The following JADE2 variants were observed in gnomAD, a reference collection of about 807,000 sequenced individuals.
JADE2 encodes the protein jade family PHD finger 2.
A neutral mutation model predicts 85.7 loss-of-function variants in JADE2; 13 were observed. The observed-to-expected ratio is 0.15, with a 90% CI of 0.10 to 0.24. JADE2 has a LOEUF of 0.24. Ranked by LOEUF, JADE2 falls within the 10% of genes least tolerant of loss-of-function variation. JADE2 has a pLI of 1.00. For missense variants in JADE2, 846 were observed against 1,115.9 expected, an observed-to-expected ratio of 0.76 and a Z score of 3.45; for synonymous variants, 440 against 456.1, an observed-to-expected ratio of 0.96 and a Z score of 0.45.
intron 7 of JADE2, among the ~76,000 whole-genome samples, chr5:134,563,266 C>T (rs762751127): frequency 3.6e-4 from 55 of 151,372 alleles, no homozygotes; most frequent in Non-Finnish European, 4.7e-4. Flanking sequence ...TGCAGTGAGC[C>T]GAGATCGCGC....
chr5:134,530,209 C>T (rs1251996162), intron 1 of JADE2, among the ~76,000 whole-genome samples: 1 of 152,202 alleles, frequency 6.6e-6, no homozygotes, highest in Non-Finnish European at 1.5e-5. Flanking sequence ...GAATGTCTGG[C>T]CTTCCCAACA....
chr5:134,532,461 A>C (rs572223460), intron 1 of JADE2, among the ~76,000 whole-genome samples: 29 of 152,214 alleles, frequency 1.9e-4, no homozygotes, highest in Non-Finnish European at 2.5e-4. Flanking sequence ...CTGTGTCTCC[A>C]TGCTGGGGGT....
intron 9 of JADE2, among the ~76,000 whole-genome samples, chr5:134,572,225 A>G (rs533914780): frequency 6.6e-6 from 1 of 152,320 alleles, no homozygotes; most frequent in East Asian, 1.9e-4. Context: ...TACTGGCCAT[A>G]GGGATAGGCG....
rs1760762380 is a variant in JADE2, at chr5:134,525,733, T to G, written c.-279T>G. 1 of 1,229,578 alleles carries G rather than the reference T, an allele frequency of 8.1e-7. No homozygotes were observed. Among genetic ancestry groups the G allele is most frequent in the Non-Finnish European group, 1.0e-6 (1 of 964,236 alleles). The allele number at this position is 1,229,578 out of a possible 1,614,324, so 76.2% of individuals were successfully genotyped here. A position where few individuals can be genotyped will look rare whatever the true frequency, so the allele number is the denominator to read the frequency against. On this transcript the variant is annotated 5_prime_UTR_variant, in exon 1 of 12. Coordinates refer to ENST00000681547, the MANE Select transcript of JADE2 (RefSeq NM_001388185.1). ...CGGCCATCGCAGTTGGAGGCTATTT[T>G]TTGGGGGGGGTGAGTAGCGTCCATG...
At chr5:134,533,500 T>A in intron 1 of JADE2, 1 of 983,862 alleles carries the variant, frequency 1.0e-6, no homozygotes, top group Non-Finnish European at 1.2e-6. Flanking sequence ...CTTCTGCTTT[T>A]AATACTGTGG....
rs748474174 is a variant in JADE2 at position 134,559,863 on chromosome 5, G to C, written c.345G>C (p.Gln115His). The change falls in exon 5 of 12, where the codon CAG (glutamine) becomes CAC (histidine). Residue 115 changes from glutamine to histidine, a missense_variant. By Grantham distance (24) the Gln-to-His change is conservative (BLOSUM62 0). Transcript: ENST00000681547. ...CACCACTGGAAGGCCCCCCTGCCCA[G>C]GCATCCCCGAGCAGCACCATGCTTG... is the stretch of plus-strand genomic sequence containing the variant. ...ILPPLEGPPA[Q>H]ASPSSTMLGE... The C allele has an allele frequency of 9.9e-6, 16 of 1,612,732 alleles. No individual in the cohort carries two copies. The highest frequency in any genetic ancestry group is 1.3e-5 in the Non-Finnish European group (15 of 1,179,432).
At chr5:134,526,805 G>A (rs1250838924) in intron 1 of JADE2, 1 of 967,972 alleles carries the variant, frequency 1.0e-6, no homozygotes, top group Admixed American at 6.2e-5. Context: ...TGAGGACTGG[G>A]GTCGGGGGCA....
chr5:134,579,439 G>A lies in JADE2; in HGVS notation c.*122G>A, dbSNP rs995338098. 75 of 735,490 alleles carry A rather than the reference G, an allele frequency of 1.0e-4. No homozygotes were observed. The highest frequency in any genetic ancestry group is 1.3e-4 in the Non-Finnish European group (62 of 461,484). 45.6% of individuals were successfully genotyped at this position (735,490 alleles called of 1,614,324 possible). ...ACCCTCGAGGCTGCCACTCCGTCGT[G>A]GTTTTATTTTTAATATAGAGAGAGT... On this transcript the variant is annotated 3_prime_UTR_variant, in exon 12 of 12. Transcript: ENST00000681547. The surrounding 1 kb of genome is among the most constrained non-coding windows in gnomAD (Gnocchi z 4.6).
chr5:134,565,168 T>C (rs953071484), intron 8 of JADE2, among the ~76,000 whole-genome samples: 1 of 152,202 alleles, frequency 6.6e-6, no homozygotes, highest in African/African-American at 2.4e-5. Context: ...TCCCAAGGGA[T>C]GTTGATGCCT....
At position 134,578,710 on chromosome 5, in the gene JADE2, A is replaced by T. The variant is rs967040476; in HGVS notation, c.1898A>T (p.Asp633Val). ...CGGGACCCCTCGCTGCGACCTGGTG[A>T]CCCTGCTAGGAAGGCCCGAGGCCGC... ...FMRDPSLRPG[D>V]PARKARGRTR... is the part of the protein sequence containing the mutation. Residue 633 changes from aspartate to valine, a missense_variant, in exon 12 of 12, where the codon GAC (aspartate) becomes GTC (valine). Asp to Val is a radical substitution (Grantham distance 152, BLOSUM62 -3). Coordinates refer to ENST00000681547, the MANE Select transcript of JADE2 (RefSeq NM_001388185.1). This position sits in a 1 kb window ranked among gnomAD's most constrained non-coding sequence, Gnocchi z 4.4. The T allele has an allele frequency of 6.2e-7, 1 of 1,613,308 alleles. No homozygotes were observed. The highest frequency in any genetic ancestry group is 1.1e-5 in the South Asian group (1 of 91,052).
rs763946544 is a variant in JADE2, at chr5:134,559,899, C to A, written c.381C>A (p.Ser127=). 1.2e-6 allele frequency: 2 copies of A among 1,614,032 alleles called. No individual in the cohort carries two copies. Among genetic ancestry groups the A allele is most frequent in the Non-Finnish European group, 8.5e-7 (1 of 1,179,966 alleles). The change falls in exon 5 of 12, where the codon TCC becomes TCA. Residue 127 remains serine (S), a synonymous_variant. Transcript: ENST00000681547. ...SPSSTMLGEG[S]QPDWPGGSRY... ...GCAGCACCATGCTTGGTGAGGGCTC[C>A]CAGCCTGATTGGCCAGGGGGCAGCC...
rs553026126 is a variant in JADE2 at position 134,558,636 on chromosome 5, T to G, written c.312-1194T>G. Among the ~76,000 whole-genome samples, 7 of 152,336 alleles carry G rather than the reference T, an allele frequency of 4.6e-5. No individual in the cohort carries two copies. In the East Asian group the frequency reaches 1.2e-3, roughly 25 times the overall value. On this transcript the variant is annotated intron_variant, in intron 4 of 11. Transcript: ENST00000681547. ...TCACCACAGCCTCCGCCTCCCGGGT[T>G]CAAGCAATTCTTCTGCCTCAGCCTC...
intron 4 of JADE2, among the ~76,000 whole-genome samples, chr5:134,555,919 G>C (rs1018978406): frequency 2.6e-5 from 4 of 152,094 alleles, no homozygotes; most frequent in African/African-American, 9.7e-5. Context: ...GTGGTGCCAA[G>C]CCCCTTCCCC....
chr5:134,573,776 C>T lies in JADE2; in HGVS notation c.1552+14C>T, dbSNP rs1764186590. On this transcript the variant is annotated intron_variant, in intron 10 of 11. Coordinates refer to ENST00000681547, the MANE Select transcript of JADE2 (RefSeq NM_001388185.1). ...ATCTGTGTCGAGGTAGGCGCCTTCCCCACCTGCCGCCGCCACCTCCCTGTG... is the reference window on the plus strand; with the variant it reads ...ATCTGTGTCGAGGTAGGCGCCTTCCTCACCTGCCGCCGCCACCTCCCTGTG... 1.4e-6 allele frequency: 2 copies of T among 1,450,900 alleles called. No individual in the cohort carries two copies. Among genetic ancestry groups the T allele is most frequent in the Non-Finnish European group, 1.9e-6 (2 of 1,030,534 alleles). 89.9% of individuals were successfully genotyped at this position (1,450,900 alleles called of 1,614,324 possible). A position where few individuals can be genotyped will look rare whatever the true frequency, so the allele number is the denominator to read the frequency against.
At chr5:134,539,036 A>ATTTTT (rs1761783440) in intron 3 of JADE2, among the ~76,000 whole-genome samples, 6 of 69,992 alleles carry the variant, frequency 8.6e-5, no homozygotes, top group South Asian at 6.0e-4. Flanking sequence ...TTGTATTTTT[A>ATTTTT]TTTTTATTTT....
At chr5:134,534,238 G>C (rs1288406638) in intron 1 of JADE2, among the ~76,000 whole-genome samples, 1 of 152,116 alleles carries the variant, frequency 6.6e-6, no homozygotes, top group Non-Finnish European at 1.5e-5. Flanking sequence ...CATGATATAT[G>C]CCTATAACAA....
At chr5:134,568,749 G>A (rs1763807055) in intron 9 of JADE2, among the ~76,000 whole-genome samples, 1 of 152,214 alleles carries the variant, frequency 6.6e-6, no homozygotes, top group South Asian at 2.1e-4. Context: ...CCCCATCAGC[G>A]GCCCAGCCTC....
Position 134,579,318 on chromosome 5 carries a change from C to G in JADE2, c.*1C>G, listed in dbSNP as rs1176606516. On this transcript the variant is annotated 3_prime_UTR_variant, in exon 12 of 12. Coordinates refer to ENST00000681547, the MANE Select transcript of JADE2 (RefSeq NM_001388185.1). This position sits in a 1 kb window ranked among gnomAD's most constrained non-coding sequence, Gnocchi z 4.6. The stretch of plus-strand genomic sequence containing the variant: ...CCGCATGGGCGTACTGGCCTCCTAA[C>G]TCACCCCCTTCCCTGTCCCAGGCCC... 6.3e-7 allele frequency: 1 copy of G among 1,585,492 alleles called. No homozygotes were observed. The highest frequency in any genetic ancestry group is 2.3e-5 in the East Asian group (1 of 44,360).
intron 4 of JADE2, 84 bp downstream of exon 4, chr5:134,552,293 C>A: frequency 8.1e-7 from 1 of 1,227,114 alleles, no homozygotes; most frequent in South Asian, 1.5e-5. Context: ...ACCTGCCAGT[C>A]CTGGAATTCC....
Sources: allele counts gnomAD v4.1 joint callset (sites outside exome capture counted in the v4.1 genomes callset), GRCh38; gene constraint gnomAD v4.1.1; non-coding constraint Gnocchi (gnomAD v3.1); transcripts MANE v1.5; gene names NCBI Gene and HGNC (gene_info 2026-07-23, HGNC 2026-07-21).